The following CCAR2 variants were observed in gnomAD, a reference collection of about 807,000 sequenced individuals.
CCAR2 encodes cell cycle and apoptosis regulator 2.
CCAR2 carries 21 observed loss-of-function variants against 108.1 expected under a neutral mutation model. That is an observed-to-expected ratio of 0.19 (90% CI 0.14 to 0.28). The LOEUF (loss-of-function observed/expected upper bound fraction) is 0.28, where lower values mean the gene tolerates loss of function less well. Among genes scored for constraint, CCAR2 ranks in the 10% least tolerant of loss-of-function variants. The probability of loss-of-function intolerance (pLI) is 1.00; values close to 1 mark genes in which losing one functional copy is unlikely to be tolerated. For missense variants in CCAR2, 1,126 were observed against 1,177.0 expected, an observed-to-expected ratio of 0.96 and a Z score of 0.63; for synonymous variants, 577 against 472.8, an observed-to-expected ratio of 1.22 and a Z score of -2.86.
downstream of CCAR2, chr8:22,621,367 G>A (rs936305858): frequency 1.3e-5 from 20 of 1,569,808 alleles, no homozygotes; most frequent in South Asian, 1.9e-4. Flanking sequence ...CCTGAGAAGG[G>A]CAAGGATGAA....
chr8:22,609,577 G>A (rs1801203465), intron 7 of CCAR2, among the ~76,000 whole-genome samples: 2 of 152,110 alleles, frequency 1.3e-5, no homozygotes, highest in African/African-American at 4.8e-5. Flanking sequence ...ATATCCAGTC[G>A]CTGGTATATA....
Position 22,619,995 on chromosome 8 carries a change from C to CTCT in CCAR2, c.*316_*318dup. ...AGTCTTGTGCTGACTTTCTCCTGTCCTCTTCCAGTTTAGAATAAGACAGGG... is the reference window on the plus strand; with the variant it reads ...AGTCTTGTGCTGACTTTCTCCTGTCCTCTTCTTCCAGTTTAGAATAAGACAGGG... On this transcript the variant is annotated 3_prime_UTR_variant, in exon 21 of 21. Coordinates refer to ENST00000308511, the MANE Select transcript of CCAR2 (RefSeq NM_001393997.1). The CTCT allele has an allele frequency of 2.4e-6, 1 of 409,640 alleles. No individual in the cohort carries two copies. Among genetic ancestry groups the CTCT allele is most frequent in the Non-Finnish European group, 4.5e-6 (1 of 221,756 alleles). 25.4% of individuals were successfully genotyped at this position (409,640 alleles called of 1,614,324 possible). A position where few individuals can be genotyped will look rare whatever the true frequency, so the allele number is the denominator to read the frequency against.
In CCAR2 at chr8:22,607,009, A is replaced by G; in HGVS notation, c.342A>G (p.Gln114=). 2 of 1,614,084 alleles carry G rather than the reference A, an allele frequency of 1.2e-6. No individual in the cohort carries two copies. Among genetic ancestry groups the G allele is most frequent in the Non-Finnish European group, 1.7e-6 (2 of 1,179,996 alleles). ...QAVPWNAVKV[Q]TLSNQPLLKS... is the part of the protein sequence containing the mutation. ...TGCCCTGGAATGCTGTCAAGGTGCA[A>G]ACGCTCTCCAACCAGGTATTCATAT... The change falls in exon 5 of 21, where the codon CAA becomes CAG. Residue 114 remains glutamine (Q), a synonymous_variant. Transcript: ENST00000308511.
intron 16 of CCAR2, 196 bp from the exon 17 acceptor site, chr8:22,618,153 T>C: frequency 1.5e-6 from 1 of 664,970 alleles, no homozygotes; most frequent in South Asian, 1.8e-5. Context: ...TTCACAGGCA[T>C]GAATATAGTG....
intron 14 of CCAR2, 27 bp from the exon 15 acceptor site, chr8:22,617,393 C>T (rs370276790): frequency 6.6e-7 from 1 of 1,520,618 alleles, no homozygotes; most frequent in South Asian, 1.3e-5. Context: ...CCTGCCTTTT[C>T]CTTATAACCT....
chr8:22,616,378 C>A, intron 14 of CCAR2, 130 bp downstream of exon 14: 2 of 825,662 alleles, frequency 2.4e-6, no homozygotes, highest in Non-Finnish European at 3.9e-6. Context: ...GGACTGAGGC[C>A]GCACAGCTAG....
At position 22,618,846 on chromosome 8, in the gene CCAR2, C is replaced by G. The variant is rs753311671; in HGVS notation, c.2352C>G (p.Pro784=). The change falls in exon 19 of 21, where the codon CCC becomes CCG. Residue 784 remains proline (P), a synonymous_variant. Coordinates refer to ENST00000308511, the MANE Select transcript of CCAR2 (RefSeq NM_001393997.1). ...EVLFGNLDLL[P]PPGKSTKPGA... is the part of the protein sequence containing the mutation. Reference sequence around the variant, plus strand: ...CTCTAGGAAACCTGGACCTGCTGCCCCCTCCTGGGAAAAGCACGAAGCCAG... The same window carrying G: ...CTCTAGGAAACCTGGACCTGCTGCCGCCTCCTGGGAAAAGCACGAAGCCAG... 1 of 1,613,800 alleles carries G rather than the reference C, an allele frequency of 6.2e-7. No homozygotes were observed. The highest frequency in any genetic ancestry group is 1.7e-5 in the Admixed American group (1 of 59,996).
At chr8:22,612,262 C>A (rs1801314790) in intron 7 of CCAR2, among the ~76,000 whole-genome samples, 1 of 145,402 alleles carries the variant, frequency 6.9e-6, no homozygotes, top group Non-Finnish European at 1.5e-5. Context: ...ACCGTCTCTT[C>A]TAATAAAATT....
intron 2 of CCAR2, 25 bp downstream of exon 2, chr8:22,605,856 C>A (rs1293315753): frequency 6.2e-7 from 1 of 1,609,016 alleles, no homozygotes; most frequent in East Asian, 2.2e-5. Flanking sequence ...CCCTACCTGG[C>A]CTCATCCTGG....
rs1333831715 is a variant in CCAR2 at position 22,607,240 on chromosome 8, C to G, written c.402C>G (p.Ala134=). The G allele has an allele frequency of 1.2e-6, 2 of 1,614,006 alleles. No homozygotes were observed. The highest frequency in any genetic ancestry group is 2.2e-5 in the East Asian group (1 of 44,864). Residue 134 remains alanine (A), a synonymous_variant, in exon 6 of 21, where the codon GCC becomes GCG. Coordinates refer to ENST00000308511, the MANE Select transcript of CCAR2 (RefSeq NM_001393997.1). ...CACCTCCTCTTCTGCATGTAGCAGC[C>G]CTGGGCCAGAAGCAAGGGATCCTGG... ...SPAPPLLHVA[A]LGQKQGILGA... is the part of the protein sequence containing the mutation.
chr8:22,614,529 TGC>T lies in CCAR2; in HGVS notation c.1041+27_1041+28del, dbSNP rs770082518. The T allele has an allele frequency of 5.1e-5, 81 of 1,584,986 alleles. 1 individual carries two copies. The South Asian group carries it at 8.8e-4, about 17-fold the overall frequency. On this transcript the variant is annotated intron_variant, in intron 10 of 20. Transcript: ENST00000308511. ...GTAAGAGCTGGAGAGCAGGAGGAGATGCATTCACGGGTAATGTGCACAACCTG... is the reference window on the plus strand; with the variant it reads ...GTAAGAGCTGGAGAGCAGGAGGAGATATTCACGGGTAATGTGCACAACCTG...
downstream of CCAR2, chr8:22,621,425 G>A (rs765579313): frequency 9.3e-6 from 15 of 1,612,810 alleles, no homozygotes; most frequent in South Asian, 4.4e-5. Context: ...CGGGGATTCA[G>A]TCATCGGCCA....
chr8:22,610,270 C>G (rs1234056390), intron 7 of CCAR2, among the ~76,000 whole-genome samples: 1 of 152,190 alleles, frequency 6.6e-6, no homozygotes, highest in Non-Finnish European at 1.5e-5. Context: ...TTATGAAGGA[C>G]TCAGCCACAT....
At chr8:22,618,085 G>GT in intron 16 of CCAR2, 1 of 595,498 alleles carries the variant, frequency 1.7e-6, no homozygotes, top group South Asian at 2.0e-5. Flanking sequence ...GGTGCTTGAT[G>GT]TTTTGTTTTT....
In CCAR2 at chr8:22,606,587, G is replaced by T; in HGVS notation, c.151-20G>T. 1.9e-6 allele frequency: 3 copies of T among 1,601,426 alleles called. No individual in the cohort carries two copies. Among genetic ancestry groups the T allele is most frequent in the Non-Finnish European group, 2.6e-6 (3 of 1,168,598 alleles). On this transcript the variant is annotated intron_variant, in intron 3 of 20. Coordinates refer to ENST00000308511, the MANE Select transcript of CCAR2 (RefSeq NM_001393997.1). ...CCAGTTTCCTCCCTTTTACTTTTCA[G>T]CTGTCTCCTTCTCTTACAGGGTGGG...
At chr8:22,616,539 C>G (rs994398243) in intron 14 of CCAR2, 9 of 442,668 alleles carry the variant, frequency 2.0e-5, no homozygotes, top group Non-Finnish European at 3.3e-5. Context: ...TTTTGTAGGC[C>G]GGGCGCTGTA....
chr8:22,610,181 G>T (rs1181024941), intron 7 of CCAR2, among the ~76,000 whole-genome samples: 1 of 152,228 alleles, frequency 6.6e-6, no homozygotes, highest in Admixed American at 6.5e-5. Context: ...AATGTGCAGA[G>T]TGGGGCCAGG....
At chr8:22,606,515 TG>T (rs1801085634) in intron 3 of CCAR2, 91 bp from the exon 4 acceptor site, 3 of 971,768 alleles carry the variant, frequency 3.1e-6, no homozygotes, top group Non-Finnish European at 4.9e-6. Flanking sequence ...TACGCTGAGC[TG>T]GGGCGTGGGT....
chr8:22,614,763 G>A, intron 10 of CCAR2, 75 bp from the exon 11 acceptor site: 3 of 1,590,298 alleles, frequency 1.9e-6, no homozygotes, highest in South Asian at 1.1e-5. Context: ...ATCCTGATGG[G>A]TGGCAGCCTT....
Sources: gnomAD v4.1 joint callset for allele counts (sites outside exome capture counted in the v4.1 genomes callset) on GRCh38, gnomAD v4.1.1 for gene constraint, MANE v1.5 for transcripts, NCBI Gene and HGNC (gene_info 2026-07-23, HGNC 2026-07-21) for gene names.